The following TTC28 variants were observed in gnomAD, a reference collection of about 807,000 sequenced individuals.
TTC28 encodes the protein tetratricopeptide repeat protein 28.
A neutral mutation model predicts 198.0 loss-of-function variants in TTC28; 61 were observed. That is an observed-to-expected ratio of 0.31 (90% CI 0.25 to 0.38). The LOEUF is 0.38. Among genes scored for constraint, TTC28 ranks in the 10% least tolerant of loss-of-function variants. The probability of loss-of-function intolerance (pLI) is 1.00; values close to 1 mark genes in which losing one functional copy is unlikely to be tolerated. For synonymous variants in TTC28, 1,171 were observed against 1,297.8 expected (o/e 0.90, Z 2.10); for missense variants, 2,678 against 3,164.0 (o/e 0.85, Z 3.69).
At chr22:28,337,996 G>C (rs558796795) in intron 2 of TTC28, among the ~76,000 whole-genome samples, 1 of 152,230 alleles carries the variant, frequency 6.6e-6, no homozygotes, top group East Asian at 1.9e-4. Context: ...TCCTTTCCAT[G>C]TTTAGTGCTT....
chr22:28,584,533 T>G (rs767678002), intron 2 of TTC28, among the ~76,000 whole-genome samples: 5 of 152,232 alleles, frequency 3.3e-5, no homozygotes, highest in Non-Finnish European at 5.9e-5. Context: ...AGCTGACTAA[T>G]AAAGTAGCCA....
intron 5 of TTC28, among the ~76,000 whole-genome samples, chr22:28,250,827 C>A (rs1359426660): frequency 6.6e-6 from 1 of 152,146 alleles, no homozygotes; most frequent in Non-Finnish European, 1.5e-5. Flanking sequence ...ATCTGACTGA[C>A]AAACAAACCC....
intron 2 of TTC28, among the ~76,000 whole-genome samples, chr22:28,378,240 G>A (rs1201626749): frequency 6.6e-6 from 1 of 151,040 alleles, no homozygotes; most frequent in Admixed American, 6.6e-5. Flanking sequence ...CAGCTGCTTG[G>A]GAGGCTGAGG....
chr22:28,536,216 A>AAAAAAAAAAAAAT (rs1569007810), intron 2 of TTC28, among the ~76,000 whole-genome samples: 1 of 92,954 alleles, frequency 1.1e-5, no homozygotes, highest in East Asian at 3.2e-4. Flanking sequence ...AAAAAAAAAA[A>AAAAAAAAAAAAAT]AAAACATAAA....
intron 2 of TTC28, among the ~76,000 whole-genome samples, chr22:28,378,239 G>C (rs1421452742): frequency 6.6e-6 from 1 of 151,736 alleles, no homozygotes; most frequent in African/African-American, 2.4e-5. Context: ...TCAGCTGCTT[G>C]GGAGGCTGAG....
intron 6 of TTC28, among the ~76,000 whole-genome samples, chr22:28,131,592 C>T (rs1001678444): frequency 6.6e-6 from 1 of 152,196 alleles, no homozygotes; most frequent in Non-Finnish European, 1.5e-5. Flanking sequence ...ATGGTTTTTA[C>T]TGAATGTATC....
intron 2 of TTC28, among the ~76,000 whole-genome samples, chr22:28,598,849 C>T (rs1167638471): frequency 6.6e-6 from 1 of 152,104 alleles, no homozygotes; most frequent in East Asian, 1.9e-4. Flanking sequence ...ACTTTATTCC[C>T]ATCGCATTAA....
At chr22:28,204,383 A>AAT (rs759374529) in intron 5 of TTC28, among the ~76,000 whole-genome samples, 17 of 152,182 alleles carry the variant, frequency 1.1e-4, no homozygotes, top group Non-Finnish European at 1.9e-4. Context: ...CGGTAATAGT[A>AAT]ATAGCTATCT....
chr22:28,385,704 C>T (rs945526787), intron 2 of TTC28, among the ~76,000 whole-genome samples: 17 of 151,984 alleles, frequency 1.1e-4, no homozygotes, highest in African/African-American at 4.1e-4. Flanking sequence ...ACTGGCTTAC[C>T]TCTATATAGG....
At chr22:28,629,448 T>G in intron 2 of TTC28, 104 bp downstream of exon 2, 1 of 1,185,354 alleles carries the variant, frequency 8.4e-7, no homozygotes, top group Non-Finnish European at 1.1e-6. Context: ...TACAGATTAT[T>G]AAAATATTAG....
At chr22:28,628,530 G>A (rs2051114860) in intron 2 of TTC28, among the ~76,000 whole-genome samples, 1 of 152,108 alleles carries the variant, frequency 6.6e-6, no homozygotes, top group African/African-American at 2.4e-5. Flanking sequence ...CTCATGTGGT[G>A]CATTAGATCT....
chr22:28,247,386 G>GA (rs1930179967), intron 5 of TTC28, among the ~76,000 whole-genome samples: 2 of 152,186 alleles, frequency 1.3e-5, no homozygotes, highest in Non-Finnish European at 2.9e-5. Flanking sequence ...GTGAAGCTGA[G>GA]AGTTGCTTAC....
At chr22:28,244,968 T>A (rs1007401397) in intron 5 of TTC28, among the ~76,000 whole-genome samples, 1 of 152,158 alleles carries the variant, frequency 6.6e-6, no homozygotes, top group East Asian at 1.9e-4. Context: ...ATGTTGCTTG[T>A]GTCATGCCTA....
chr22:28,512,741 A>C (rs1002990931), intron 2 of TTC28, among the ~76,000 whole-genome samples: 2 of 152,190 alleles, frequency 1.3e-5, no homozygotes, highest in Non-Finnish European at 2.9e-5. Context: ...ACATGGACAC[A>C]CGGTGGGGAA....
intron 2 of TTC28, among the ~76,000 whole-genome samples, chr22:28,364,919 T>C (rs1380850061): frequency 6.6e-6 from 1 of 152,216 alleles, no homozygotes; most frequent in African/African-American, 2.4e-5. Flanking sequence ...TAATACCAAC[T>C]TAGTTGATAA....
chr22:27,997,033 C>G (rs1937565542), intron 16 of TTC28, among the ~76,000 whole-genome samples: 1 of 152,210 alleles, frequency 6.6e-6, no homozygotes, highest in Non-Finnish European at 1.5e-5. Flanking sequence ...CCCCACAAGC[C>G]CTGCAGTAGG....
chr22:28,018,306 CG>C (rs138682), intron 13 of TTC28, among the ~76,000 whole-genome samples: 21,649 of 49,196 alleles, frequency 0.44, 3,910 homozygotes, highest in African/African-American at 0.58. Context: ...TGTGCGCGCG[CG>C]GGGGGGGGGG....
chr22:28,325,889 T>C (rs1051971551), intron 2 of TTC28, among the ~76,000 whole-genome samples: 1 of 152,126 alleles, frequency 6.6e-6, no homozygotes, highest in Non-Finnish European at 1.5e-5. Flanking sequence ...CTCTTATATA[T>C]TGCTGGTAGA....
intron 17 of TTC28, among the ~76,000 whole-genome samples, chr22:27,993,818 T>C (rs1272450714): frequency 2.6e-5 from 4 of 152,154 alleles, no homozygotes; most frequent in Non-Finnish European, 5.9e-5. Flanking sequence ...GCAATGTGTC[T>C]GAACACACAG....
Sources: gnomAD v4.1 joint callset for allele counts (sites outside exome capture counted in the v4.1 genomes callset) on GRCh38, gnomAD v4.1.1 for gene constraint, MANE v1.5 for transcripts, NCBI Gene and HGNC (gene_info 2026-07-23, HGNC 2026-07-21) for gene names.